GRID2: variants seen among roughly 807,000 people sequenced by gnomAD.
The protein encoded by GRID2 is glutamate receptor ionotropic, delta-2.
A neutral mutation model predicts 114.8 loss-of-function variants in GRID2; 33 were observed. That is an observed-to-expected ratio of 0.29 (90% confidence interval 0.22 to 0.38). The LOEUF is 0.38. GRID2 is among the 10% of genes least tolerant of loss of function. The pLI, the probability that GRID2 is intolerant of heterozygous loss-of-function variation, is 1.00. For synonymous variants in GRID2, 505 were observed against 449.9 expected, an observed-to-expected ratio of 1.12 and a Z score of -1.55; for missense variants, 1,184 against 1,257.7, an observed-to-expected ratio of 0.94 and a Z score of 0.89.
At chr4:92,862,782 C>T (rs1578334671) in intron 2 of GRID2, among the ~76,000 whole-genome samples, 1 of 151,966 alleles carries the variant, frequency 6.6e-6, no homozygotes, top group African/African-American at 2.4e-5. Context: ...TTTAGGTATC[C>T]TAAAATGTAA....
intron 14 of GRID2, among the ~76,000 whole-genome samples, chr4:93,753,354 A>G (rs770151300): frequency 8.6e-5 from 13 of 152,020 alleles, no homozygotes; most frequent in Non-Finnish European, 1.8e-4. Flanking sequence ...TTTTATTATT[A>G]TTATTATACT....
intron 5 of GRID2, among the ~76,000 whole-genome samples, chr4:93,215,710 A>G (rs1252948735): frequency 6.6e-6 from 1 of 152,086 alleles, no homozygotes; most frequent in Non-Finnish European, 1.5e-5. Flanking sequence ...AATCTAACAT[A>G]TGCTACAAGA....
At chr4:92,387,921 T>A (rs2110253871) in intron 1 of GRID2, among the ~76,000 whole-genome samples, 2 of 152,184 alleles carry the variant, frequency 1.3e-5, no homozygotes, top group South Asian at 4.1e-4. Flanking sequence ...CATATTTTCC[T>A]TATTCCCTTC....
intron 10 of GRID2, among the ~76,000 whole-genome samples, chr4:93,445,424 A>G (rs890515007): frequency 1.3e-5 from 2 of 151,994 alleles, no homozygotes; most frequent in Non-Finnish European, 2.9e-5. Context: ...ACTAGAATAT[A>G]TTCATACATA....
chr4:93,675,322 A>G (rs1230554455), intron 14 of GRID2, among the ~76,000 whole-genome samples: 1 of 152,192 alleles, frequency 6.6e-6, no homozygotes, highest in Non-Finnish European at 1.5e-5. Context: ...TAATAGATAG[A>G]CTATCACATA....
intron 2 of GRID2, among the ~76,000 whole-genome samples, chr4:92,743,342 T>C (rs1428309354): frequency 6.6e-6 from 1 of 152,172 alleles, no homozygotes; most frequent in East Asian, 1.9e-4. Flanking sequence ...TTATAGGCCA[T>C]TATATTTTTG....
At chr4:92,714,579 C>G (rs534574271) in intron 2 of GRID2, among the ~76,000 whole-genome samples, 222 of 152,308 alleles carry the variant, frequency 1.5e-3, no homozygotes, top group East Asian at 1.2e-3. Context: ...CAAACTTCTG[C>G]CTAGACATCT....
intron 2 of GRID2, among the ~76,000 whole-genome samples, chr4:92,610,966 A>T (rs1390982247): frequency 6.6e-6 from 1 of 151,420 alleles, no homozygotes; most frequent in Admixed American, 6.6e-5. Flanking sequence ...GAAGAAACTT[A>T]GTTTCCAGCT....
chr4:92,576,285 C>T (rs867923168), intron 1 of GRID2, among the ~76,000 whole-genome samples: 7 of 152,140 alleles, frequency 4.6e-5, no homozygotes, highest in Admixed American at 1.3e-4. Flanking sequence ...CTTCCTTGTC[C>T]GGACCATTTG....
intron 2 of GRID2, among the ~76,000 whole-genome samples, chr4:92,831,784 A>G (rs187909562): frequency 1.4e-4 from 22 of 152,114 alleles, no homozygotes; most frequent in Non-Finnish European, 3.1e-4. Context: ...CACTTAAGCC[A>G]TGGAGGTTGA....
rs1754129816 is a variant in GRID2 at position 92,980,577 on chromosome 4, C to T, written c.245-104418C>T. On this transcript the variant is annotated intron_variant, in intron 2 of 15. Transcript: ENST00000282020. ...TTTGTTGTTATGTAGTAGAGGCTGT[C>T]ATTTATCAATTACCCTCTGTAGTAG... 2.6e-5 allele frequency among the ~76,000 whole-genome samples: 4 copies of T among 152,122 alleles called. No homozygotes were observed. In the South Asian group the frequency reaches 8.3e-4, roughly 32 times the overall value.
rs1301662550 is a variant in GRID2, at chr4:93,533,275, TTCCTTCCTTCCTTCC to T, written c.2193+17866_2193+17880del. Among the ~76,000 whole-genome samples, 143 of 134,380 alleles carry T rather than the reference TTCCTTCCTTCCTTCC, an allele frequency of 1.1e-3. 2 individuals are homozygous for T. In the East Asian group the frequency reaches 0.022, roughly 21 times the overall value. 88.2% of individuals were successfully genotyped at this position (134,380 alleles called of 152,430 possible). On this transcript the variant is annotated intron_variant, in intron 13 of 15. Transcript: ENST00000282020. ...CTTCCTTCCTTCCTTCCTTCCTTCC[TTCCTTCCTTCCTTCC>T]TTCCTTCCTTCCTTCCTTCCTTCCT...
chr4:93,197,197 G>T (rs1741584681), intron 4 of GRID2, among the ~76,000 whole-genome samples: 1 of 152,112 alleles, frequency 6.6e-6, no homozygotes, highest in Admixed American at 6.6e-5. Context: ...GCAACATTCA[G>T]TTTAACTGTA....
At position 92,629,201 on chromosome 4, in the gene GRID2, A is replaced by AT. The variant is rs201132236; in HGVS notation, c.244+38924dup. Among the ~76,000 whole-genome samples, 1,306 of 151,604 alleles carry AT rather than the reference A, an allele frequency of 8.6e-3. 15 individuals carry two copies. The highest frequency in any genetic ancestry group is 0.065 in the East Asian group (337 of 5,158). ...AAAGTGTACTTTATCAACCCATTGA[A>AT]TTTTTTTTTCTCGTATGTATGCCAA... On this transcript the variant is annotated intron_variant, in intron 2 of 15. Transcript: ENST00000282020.
At chr4:93,539,356 T>G (rs1415699907) in intron 13 of GRID2, among the ~76,000 whole-genome samples, 1 of 151,984 alleles carries the variant, frequency 6.6e-6, no homozygotes, top group Admixed American at 6.6e-5. Flanking sequence ...ATTATCTCAT[T>G]TTGTTCATTT....
At chr4:93,151,076 A>T (rs2149397031) in intron 4 of GRID2, among the ~76,000 whole-genome samples, 1 of 143,778 alleles carries the variant, frequency 7.0e-6, no homozygotes, top group East Asian at 2.1e-4. Flanking sequence ...GTAAGCCAAG[A>T]TTGAGCCACT....
chr4:93,059,657 A>T (rs111472863), intron 2 of GRID2, among the ~76,000 whole-genome samples: 32 of 152,228 alleles, frequency 2.1e-4, no homozygotes, highest in Non-Finnish European at 4.4e-4. Context: ...CATTCTATGG[A>T]TATGCCAAAT....
intron 14 of GRID2, among the ~76,000 whole-genome samples, chr4:93,733,422 A>C (rs1007911499): frequency 6.6e-6 from 1 of 152,118 alleles, no homozygotes; most frequent in Non-Finnish European, 1.5e-5. Context: ...CTAACATAGA[A>C]ATTTTCTCCA....
chr4:92,991,521 G>A (rs951852601), intron 2 of GRID2, among the ~76,000 whole-genome samples: 1 of 152,152 alleles, frequency 6.6e-6, no homozygotes, highest in African/African-American at 2.4e-5. Context: ...CACCCAAAGG[G>A]TAAATAGAAT....
Sources: allele counts gnomAD v4.1 joint callset (sites outside exome capture counted in the v4.1 genomes callset), GRCh38; gene constraint gnomAD v4.1.1; transcripts MANE v1.5; gene names NCBI Gene and HGNC (gene_info 2026-07-23, HGNC 2026-07-21).